Variants in TAF1 observed in about 807,000 individuals in gnomAD.
TAF1 encodes the protein transcription initiation factor TFIID subunit 1.
TAF1 carries 2 observed loss-of-function variants against 138.5 expected under a neutral mutation model. The observed-to-expected ratio is 0.01, with a 90% CI of 0.01 to 0.05. TAF1 has a LOEUF of 0.05. TAF1 is among the 10% of genes least tolerant of loss of function. TAF1 has a pLI of 1.00. For missense variants in TAF1, 709 were observed against 1,478.0 expected, an observed-to-expected ratio of 0.48 and a Z score of 8.53; for synonymous variants, 437 against 503.2, an observed-to-expected ratio of 0.87 and a Z score of 1.76.
chrX:71,420,355 C>G, intron 28 of TAF1: 1 of 1,203,318 alleles, frequency 8.3e-7, no homozygotes. Context: ...TCTATATATG[C>G]AAACCCTTTG....
rs765040475 is a variant in TAF1, at chrX:71,458,356, A to AGGT, written c.5055_5057dup (p.Val1686dup). ...ATTCCCAGTGCCACTCCAGAAAAGC[A>AGGT]GGTAACACAGGTAGGATGTTCTTTT... On this transcript the variant is annotated inframe_insertion, in exon 35 of 38. Coordinates refer to ENST00000423759, the MANE Select transcript of TAF1 (RefSeq NM_004606.5). 2 of 1,210,434 alleles carry AGGT rather than the reference A, an allele frequency of 1.7e-6. No homozygotes were observed. The highest frequency in any genetic ancestry group is 2.2e-6 in the Non-Finnish European group (2 of 894,970).
chrX:71,450,246 A>G (rs775635846), intron 32 of TAF1, among the ~76,000 whole-genome samples: 2 of 108,651 alleles, frequency 1.8e-5, no homozygotes, highest in African/African-American at 6.7e-5. Flanking sequence ...TCTGTCACCC[A>G]GGCTGGAGTG....
At chrX:71,462,658 A>T (rs2038602047) in intron 37 of TAF1, among the ~76,000 whole-genome samples, 1 of 111,888 alleles carries the variant, frequency 8.9e-6, no homozygotes, top group African/African-American at 3.2e-5. Flanking sequence ...TTTACCTATC[A>T]TATTGGTGAT....
intron 13 of TAF1, among the ~76,000 whole-genome samples, chrX:71,503,326 G>GTATATATA (rs1181780907): frequency 4.3e-5 from 4 of 92,659 alleles, no homozygotes; most frequent in Non-Finnish European, 8.1e-5. Flanking sequence ...ATATATGTGT[G>GTATATATA]TGTATATATA....
At chrX:71,514,477 A>C (rs2039791284) in intron 13 of TAF1, among the ~76,000 whole-genome samples, 1 of 108,800 alleles carries the variant, frequency 9.2e-6, no homozygotes, top group Non-Finnish European at 1.9e-5. Context: ...AAAAAAAAAA[A>C]AAAAAAACCC....
chrX:71,432,580 G>A (rs2036942971), intron 32 of TAF1, among the ~76,000 whole-genome samples: 1 of 109,159 alleles, frequency 9.2e-6, no homozygotes, highest in African/African-American at 3.3e-5. Flanking sequence ...AGGAAACTGA[G>A]AAGGCAGGTG....
At position 71,385,113 on chromosome X, in the gene TAF1, C is replaced by T. The variant is rs1422236301; in HGVS notation, c.2226+64C>T. The T allele has an allele frequency of 9.3e-6, 8 of 856,704 alleles. No homozygotes were observed. In the African/African-American group the frequency reaches 1.2e-4, roughly 13 times the overall value. 70.6% of individuals were successfully genotyped at this position (856,704 alleles called of 1,213,427 possible). A position where few individuals can be genotyped will look rare whatever the true frequency, so the allele number is the denominator to read the frequency against. On this transcript the variant is annotated intron_variant, in intron 14 of 37. Coordinates refer to ENST00000423759, the MANE Select transcript of TAF1 (RefSeq NM_004606.5). Reference sequence around the variant, plus strand: ...AATTGATAAATGAGGAACCAGTCAGCTCAGAAAGAACTATTATAATTCTAG... The same window carrying T: ...AATTGATAAATGAGGAACCAGTCAGTTCAGAAAGAACTATTATAATTCTAG...
intron 32 of TAF1, among the ~76,000 whole-genome samples, chrX:71,432,722 A>G (rs2036951457): frequency 9.0e-6 from 1 of 111,687 alleles, no homozygotes; most frequent in Non-Finnish European, 1.9e-5. Context: ...GTGACGCTTT[A>G]TTGCAGAGGA....
At chrX:71,420,815 A>T (rs1323755385) in intron 28 of TAF1, among the ~76,000 whole-genome samples, 2 of 112,341 alleles carry the variant, frequency 1.8e-5, no homozygotes, top group Non-Finnish European at 1.9e-5. Flanking sequence ...CTCGGGGTCC[A>T]GCGGCAGCTC....
intron 13 of TAF1, among the ~76,000 whole-genome samples, chrX:71,506,893 G>C (rs2039638583): frequency 8.9e-6 from 1 of 111,884 alleles, no homozygotes; most frequent in African/African-American, 3.2e-5. Flanking sequence ...GAACTGAATA[G>C]TATTTCACCA....
chrX:71,381,807 T>C lies in TAF1; in HGVS notation c.1425T>C (p.Asp475=). ...WYSIFPIDNE[D]LVYGRWEDNI... ...CCATTTTTCCCATTGACAATGAGGA[T>C]CTGGTATATGGACGCTGGGAGGACA... The change falls in exon 9 of 38, where the codon GAT becomes GAC. Residue 475 remains aspartate, a synonymous_variant. Coordinates refer to ENST00000423759, the MANE Select transcript of TAF1 (RefSeq NM_004606.5). 8.3e-7 allele frequency: 1 copy of C among 1,209,325 alleles called. No homozygotes were observed. Among genetic ancestry groups the C allele is most frequent in the Non-Finnish European group, 1.1e-6 (1 of 894,226 alleles).
chrX:71,466,075 A>G (rs1262040573), downstream of TAF1: 1 of 111,828 alleles, frequency 8.9e-6, no homozygotes, highest in Non-Finnish European at 1.9e-5. Context: ...AACTGGTGCT[A>G]TGGCATTGGG....
At chrX:71,449,479 TC>T (rs2037855408) in intron 32 of TAF1, among the ~76,000 whole-genome samples, 2 of 112,535 alleles carry the variant, frequency 1.8e-5, no homozygotes, top group African/African-American at 6.4e-5. Flanking sequence ...AAGGAAGAGG[TC>T]CCATTTTCAA....
At chrX:71,460,243 A>G (rs1289861745) in intron 36 of TAF1, among the ~76,000 whole-genome samples, 1 of 112,009 alleles carries the variant, frequency 8.9e-6, no homozygotes, top group African/African-American at 3.2e-5. Context: ...TCTGTCTCCA[A>G]AGAAAAAGAA....
chrX:71,510,685 A>G (rs2039714497), intron 13 of TAF1, among the ~76,000 whole-genome samples: 1 of 112,175 alleles, frequency 8.9e-6, no homozygotes, highest in African/African-American at 3.2e-5. Context: ...TTCAGGTAGC[A>G]GTTAAAACAA....
Position 71,378,814 on chromosome X carries a change from A to C in TAF1, c.1153-10A>C, listed in dbSNP as rs201541071. The C allele has an allele frequency of 8.3e-7, 1 of 1,206,706 alleles. No individual in the cohort carries two copies. The highest frequency in any genetic ancestry group is 3.0e-5 in the East Asian group (1 of 33,768). On this transcript the variant is annotated splice_polypyrimidine_tract_variant and intron_variant, in intron 7 of 37. Coordinates refer to ENST00000423759, the MANE Select transcript of TAF1 (RefSeq NM_004606.5). Reference sequence around the variant, plus strand: ...ATCAAGGATGTGTTTTTTCTTCCCTACTTACACAGGAATTTAGGAAACTTG... The same window carrying C: ...ATCAAGGATGTGTTTTTTCTTCCCTCCTTACACAGGAATTTAGGAAACTTG...
At chrX:71,470,462 C>T (rs1311291606), downstream of TAF1, among the ~76,000 whole-genome samples, 1 of 109,021 alleles carries the variant, frequency 9.2e-6, no homozygotes, top group Non-Finnish European at 1.9e-5. Context: ...AGGATGGTCT[C>T]GATCTCCTGA....
chrX:71,484,746 T>C (rs2039140780), intron 13 of TAF1: 1 of 112,227 alleles, frequency 8.9e-6, no homozygotes, highest in Non-Finnish European at 1.9e-5. Flanking sequence ...TCCCTCCTCT[T>C]GTGTGTGGGC....
intron 1 of TAF1, 21 bp downstream of exon 1, chrX:71,366,515 G>GGGC: frequency 2.4e-6 from 1 of 418,752 alleles, no homozygotes; most frequent in Non-Finnish European, 3.9e-6. Flanking sequence ...GGGCGTGGGG[G>GGGC]TAGGGCTCGG....
Sources: allele counts gnomAD v4.1 joint callset (sites outside exome capture counted in the v4.1 genomes callset), GRCh38; gene constraint gnomAD v4.1.1; transcripts MANE v1.5; gene names NCBI Gene and HGNC (gene_info 2026-07-23, HGNC 2026-07-21).